ATP9B: variants seen among roughly 807,000 people sequenced by gnomAD.
ATP9B encodes ATPase phospholipid transporting 9B, also known as probable phospholipid-transporting ATPase IIB.
In ATP9B, 110 loss-of-function variants were observed where a neutral mutation model predicts 146.1. The observed-to-expected ratio is 0.75, with a 90% confidence interval of 0.65 to 0.88. The LOEUF is 0.88. Among genes scored for constraint, ATP9B ranks in the 40% least tolerant of loss-of-function variants. The probability of loss-of-function intolerance (pLI) is 0.00; values close to 1 mark genes in which losing one functional copy is unlikely to be tolerated. For synonymous variants in ATP9B, 604 were observed against 569.7 expected (o/e 1.06, Z -0.86); for missense variants, 1,499 against 1,496.4 (o/e 1.00, Z -0.03).
chr18:79,113,655 C>T (rs2094012175), intron 4 of ATP9B, among the ~76,000 whole-genome samples: 1 of 152,160 alleles, frequency 6.6e-6, no homozygotes. Context: ...GCAGCTCCCT[C>T]CTGTTTGATG....
At chr18:79,205,831 T>C (rs1471486110) in intron 9 of ATP9B, among the ~76,000 whole-genome samples, 2 of 152,222 alleles carry the variant, frequency 1.3e-5, no homozygotes, top group African/African-American at 2.4e-5. Flanking sequence ...TACATATTGC[T>C]GTCGTGATAC....
intron 1 of ATP9B, among the ~76,000 whole-genome samples, chr18:79,077,328 G>A (rs2072738187): frequency 6.6e-6 from 1 of 152,158 alleles, no homozygotes; most frequent in Admixed American, 6.6e-5. Context: ...TCCCTTCACA[G>A]CCCCCTTTGA....
At chr18:79,123,574 C>T (rs2094227386) in intron 4 of ATP9B, among the ~76,000 whole-genome samples, 1 of 151,406 alleles carries the variant, frequency 6.6e-6, no homozygotes, top group East Asian at 1.9e-4. Context: ...CAGATTGATC[C>T]TAAAATCCAT....
Position 79,367,734 on chromosome 18 carries a change from A to G in ATP9B, c.3013-5091A>G, listed in dbSNP as rs57108506. 6.7e-3 allele frequency among the ~76,000 whole-genome samples: 1,022 copies of G among 152,222 alleles called. 14 individuals carry two copies. The highest frequency in any genetic ancestry group is 0.021 in the African/African-American group (874 of 41,530). On this transcript the variant is annotated intron_variant, in intron 26 of 29. Coordinates refer to ENST00000426216, the MANE Select transcript of ATP9B (RefSeq NM_198531.5). ...CACCAGGGATGAGAGAGGCCACCAC[A>G]CCTCCTGCTGTGGAGCCCTGCAGGG...
At chr18:79,170,366 C>G (rs1294843852) in intron 7 of ATP9B, among the ~76,000 whole-genome samples, 2 of 152,178 alleles carry the variant, frequency 1.3e-5, no homozygotes, top group African/African-American at 4.8e-5. Context: ...GTCTCCTCCT[C>G]TGTAGGTGTT....
Position 79,069,457 on chromosome 18 carries a change from C to T in ATP9B, c.47C>T (p.Ala16Val), listed in dbSNP as rs1282780320. 4.0e-6 allele frequency: 6 copies of T among 1,508,036 alleles called. No individual in the cohort carries two copies. Among genetic ancestry groups the T allele is most frequent in the Admixed American group, 4.5e-5 (2 of 44,566 alleles). 93.4% of individuals were successfully genotyped at this position (1,508,036 alleles called of 1,614,324 possible). The change falls in exon 1 of 30, where the codon GCC becomes GTC. Residue 16 changes from alanine (A) to valine (V), a missense_variant. By Grantham distance (64) the Ala-to-Val change is moderately conservative. Transcript: ENST00000426216. Reference protein sequence around the residue: ...PLYPVRSAAAAAANRKRAAYY... With the variant: ...PLYPVRSAAAVAANRKRAAYY... ...TACCCGGTGCGTAGCGCAGCGGCGG[C>T]CGCAGCCAACCGCAAACGCGCGGCC...
chr18:79,376,259 C>G, intron 29 of ATP9B: 1 of 984,474 alleles, frequency 1.0e-6, no homozygotes, highest in Non-Finnish European at 1.2e-6. Context: ...CCAAACAAAT[C>G]CCACAGGTTA....
chr18:79,168,100 A>G (rs1051745946), intron 7 of ATP9B, among the ~76,000 whole-genome samples: 1 of 152,128 alleles, frequency 6.6e-6, no homozygotes, highest in African/African-American at 2.4e-5. Context: ...CACCTCCCTC[A>G]TTGCAGTCTT....
At chr18:79,202,777 G>A (rs986475059) in intron 9 of ATP9B, among the ~76,000 whole-genome samples, 5 of 152,110 alleles carry the variant, frequency 3.3e-5, no homozygotes, top group African/African-American at 7.2e-5. Context: ...CATAGATATT[G>A]TGTTTTCTTC....
At chr18:79,145,377 G>A (rs369107424) in intron 6 of ATP9B, 4 of 127,238 alleles carry the variant, frequency 3.1e-5, no homozygotes, top group East Asian at 5.7e-4. Context: ...CTGGCGGTGT[G>A]CAGAGTGACT....
intron 11 of ATP9B, among the ~76,000 whole-genome samples, chr18:79,232,130 G>C (rs2095798986): frequency 6.6e-6 from 1 of 152,138 alleles, no homozygotes; most frequent in Non-Finnish European, 1.5e-5. Context: ...TACCAGGTCT[G>C]TCCCACCTGG....
At chr18:79,118,285 TG>T (rs2094122542) in intron 4 of ATP9B, among the ~76,000 whole-genome samples, 1 of 152,174 alleles carries the variant, frequency 6.6e-6, no homozygotes, top group South Asian at 2.1e-4. Context: ...AAACTGCTGT[TG>T]ATTTTTTTCA....
At chr18:79,346,717 T>C (rs2096890829) in intron 23 of ATP9B, among the ~76,000 whole-genome samples, 1 of 152,226 alleles carries the variant, frequency 6.6e-6, no homozygotes. Flanking sequence ...CAGCACGTGC[T>C]CAGTGCATGC....
intron 11 of ATP9B, among the ~76,000 whole-genome samples, chr18:79,241,811 G>A (rs2095891716): frequency 6.6e-6 from 1 of 152,238 alleles, no homozygotes; most frequent in Non-Finnish European, 1.5e-5. Context: ...GTTTCTAAGA[G>A]CTTTAGAGTT....
intron 5 of ATP9B, among the ~76,000 whole-genome samples, chr18:79,142,353 T>C (rs2094524026): frequency 6.6e-6 from 1 of 152,226 alleles, no homozygotes; most frequent in Non-Finnish European, 1.5e-5. Context: ...CAAAATGTTT[T>C]AAAGTTATTT....
chr18:79,160,491 T>C (rs988340258), intron 7 of ATP9B, among the ~76,000 whole-genome samples: 1 of 152,256 alleles, frequency 6.6e-6, no homozygotes, highest in African/African-American at 2.4e-5. Context: ...TGGGAGATGC[T>C]ATTGTATTAA....
At chr18:79,188,004 A>T (rs928997786) in intron 8 of ATP9B, among the ~76,000 whole-genome samples, 5 of 152,180 alleles carry the variant, frequency 3.3e-5, no homozygotes, top group African/African-American at 1.2e-4. Flanking sequence ...CTGGCAGGCA[A>T]GAGTCCTGTG....
chr18:79,154,543 T>C lies in ATP9B; in HGVS notation c.766T>C (p.Ser256Pro). 6.5e-7 allele frequency: 1 copy of C among 1,530,614 alleles called. No individual in the cohort carries two copies. The highest frequency in any genetic ancestry group is 2.4e-5 in the East Asian group (1 of 41,516). 94.8% of individuals were successfully genotyped at this position (1,530,614 alleles called of 1,614,324 possible). ...ATCGGACATGGTGTTTCTTAGGACT[T>C]CAGAAAAAGCAGGTATTTTTACATT... The part of the protein sequence containing the change: ...IPSDMVFLRT[S>P]EKAGSCFIRT... The change falls in exon 7 of 30, where the codon TCA becomes CCA. Residue 256 changes from serine (S) to proline (P), a missense_variant. Ser to Pro is a moderately conservative substitution (Grantham distance 74). Transcript: ENST00000426216.
chr18:79,184,772 G>A (rs2095289052), intron 8 of ATP9B, among the ~76,000 whole-genome samples: 1 of 152,048 alleles, frequency 6.6e-6, no homozygotes, highest in Non-Finnish European at 1.5e-5. Flanking sequence ...AATGACTGGA[G>A]GGGATTTTGG....
Sources: gnomAD v4.1 joint callset for allele counts (sites outside exome capture counted in the v4.1 genomes callset) on GRCh38, gnomAD v4.1.1 for gene constraint, MANE v1.5 for transcripts, NCBI Gene and HGNC (gene_info 2026-07-23, HGNC 2026-07-21) for gene names.